MAT1A: variants seen among roughly 807,000 people sequenced by gnomAD.
MAT1A encodes methionine adenosyltransferase 1A, also known as S-adenosylmethionine synthase isoform type-1.
Under a neutral mutation model 44.0 loss-of-function variants are expected in MAT1A, and 19 were observed. The observed-to-expected ratio is 0.43, with a 90% CI of 0.30 to 0.63. The LOEUF (loss-of-function observed/expected upper bound fraction) is 0.63. Ranked by LOEUF, MAT1A falls within the 30% of genes least tolerant of loss-of-function variation. The probability of loss-of-function intolerance (pLI) is 0.12; values close to 1 mark genes in which losing one functional copy is unlikely to be tolerated. For synonymous variants in MAT1A, 205 were observed against 205.6 expected, an observed-to-expected ratio of 1.00 and a Z score of 0.03; for missense variants, 397 against 531.0, an observed-to-expected ratio of 0.75 and a Z score of 2.48.
rs114712355 is a variant in MAT1A at position 80,283,941 on chromosome 10, G to A, written c.267C>T (p.His89=). Residue 89 remains histidine, a synonymous_variant, in exon 3 of 9, where the codon CAC becomes CAT. Transcript: ENST00000372213. Reference sequence around the variant, plus strand: ...CCTTGGCTGAGTCATCGTAGCCGATGTGCTTGATGGTGTCCCTCACCACCC... The same window carrying A: ...CCTTGGCTGAGTCATCGTAGCCGATATGCTTGATGGTGTCCCTCACCACCC... The part of the protein sequence containing the change: ...YQRVVRDTIK[H]IGYDDSAKGF... 4 of 1,614,230 alleles carry A rather than the reference G, an allele frequency of 2.5e-6. No individual in the cohort carries two copies. The highest frequency in any genetic ancestry group is 1.3e-5 in the African/African-American group (1 of 75,062).
chr10:80,289,593 CG>C lies in MAT1A; in HGVS notation c.-171del. The C allele has an allele frequency of 1.5e-6, 1 of 671,620 alleles. No homozygotes were observed. Among genetic ancestry groups the C allele is most frequent in the Non-Finnish European group, 2.7e-6 (1 of 367,622 alleles). The allele number at this position is 671,620 out of a possible 1,614,324, so 41.6% of individuals were successfully genotyped here. ...CTGCCTGTGAGCACGTGAGAACAGG[CG>C]AGGACTGCTGAGAAGGGAGGGAGTG... On this transcript the variant is annotated 5_prime_UTR_variant, in exon 1 of 9. Transcript: ENST00000372213.
chr10:80,288,794 A>G (rs1841682196), intron 1 of MAT1A, among the ~76,000 whole-genome samples: 1 of 152,168 alleles, frequency 6.6e-6, no homozygotes, highest in South Asian at 2.1e-4. Context: ...AAAAAAAAAT[A>G]CATATAAAAA....
Position 80,276,397 on chromosome 10 carries a change from C to T in MAT1A, c.747G>A (p.Arg249=). Residue 249 remains arginine, a synonymous_variant, in exon 6 of 9, where the codon CGG becomes CGA. Coordinates refer to ENST00000372213, the MANE Select transcript of MAT1A (RefSeq NM_000429.3). ...GCACCTGGGGACCTCCGATGACAAA[C>T]CGCCCACTGGGCTGCAGGTGGTAGA... The part of the protein sequence containing the change: ...DTVYHLQPSG[R]FVIGGPQGDA... The T allele has an allele frequency of 6.2e-7, 1 of 1,614,160 alleles. No homozygotes were observed. Among genetic ancestry groups the T allele is most frequent in the Non-Finnish European group, 8.5e-7 (1 of 1,180,038 alleles).
intron 3 of MAT1A, among the ~76,000 whole-genome samples, chr10:80,282,203 T>C (rs1841576246): frequency 6.6e-6 from 1 of 152,084 alleles, no homozygotes; most frequent in South Asian, 2.1e-4. Flanking sequence ...GGCTCAAAAA[T>C]CAAGCAAGGG....
At chr10:80,280,030 A>T in intron 5 of MAT1A, 143 bp downstream of exon 5, 1 of 1,006,268 alleles carries the variant, frequency 9.9e-7, no homozygotes, top group South Asian at 1.5e-5. Flanking sequence ...TTTTCACATA[A>T]ATAGTTCTTT....
rs115296043 is a variant in MAT1A at position 80,278,701 on chromosome 10, T to C, written c.549+1472A>G. Among the ~76,000 whole-genome samples, 662 of 152,358 alleles carry C rather than the reference T, an allele frequency of 4.3e-3. 4 individuals are homozygous for C. The highest frequency in any genetic ancestry group is 0.015 in the African/African-American group (625 of 41,594). On this transcript the variant is annotated intron_variant, in intron 5 of 8. Transcript: ENST00000372213. ...CTTCCCTGCCCCAGTACAGCCAGTA[T>C]GCAACCTCTGCCCTGTGCATGGTCT...
chr10:80,289,147 G>A lies in MAT1A; in HGVS notation c.91+186C>T, dbSNP rs866333318. Among the ~76,000 whole-genome samples the A allele has an allele frequency of 1.6e-4, 24 of 152,368 alleles. No individual in the cohort carries two copies. The Middle Eastern group carries it at 0.01, about 65-fold the overall frequency. ...CACCACAAAGAAGTAGTCAATGTCT[G>A]TGGCAATGGGTATGCCCATTATCCT... On this transcript the variant is annotated intron_variant, in intron 1 of 8. Coordinates refer to ENST00000372213, the MANE Select transcript of MAT1A (RefSeq NM_000429.3).
rs764572095 is a variant in MAT1A, at chr10:80,289,464, T to C, written c.-41A>G. 5 of 1,499,022 alleles carry C rather than the reference T, an allele frequency of 3.3e-6. No individual in the cohort carries two copies. The Admixed American group carries it at 6.7e-5, about 20-fold the overall frequency. 92.9% of individuals were successfully genotyped at this position (1,499,022 alleles called of 1,614,324 possible). A position where few individuals can be genotyped will look rare whatever the true frequency, so the allele number is the denominator to read the frequency against. ...CACTCACGCTTCTTTCAGTGAACAA[T>C]TTTGAGGCTGTGACTTTGCCTGAGT... On this transcript the variant is annotated 5_prime_UTR_variant, in exon 1 of 9. Coordinates refer to ENST00000372213, the MANE Select transcript of MAT1A (RefSeq NM_000429.3).
intron 1 of MAT1A, among the ~76,000 whole-genome samples, chr10:80,285,827 A>C (rs886181057): frequency 6.7e-6 from 1 of 149,102 alleles, no homozygotes; most frequent in African/African-American, 2.5e-5. Flanking sequence ...AAAAAGAAAT[A>C]CCTTTTTTTT....
intron 1 of MAT1A, among the ~76,000 whole-genome samples, chr10:80,288,378 G>A (rs1190636631): frequency 6.6e-6 from 1 of 152,164 alleles, no homozygotes; most frequent in Non-Finnish European, 1.5e-5. Flanking sequence ...TCTGGAGGGT[G>A]GGGCCCAGCC....
At chr10:80,289,154 T>A (rs1164107758) in intron 1 of MAT1A, among the ~76,000 whole-genome samples, 179 bp downstream of exon 1, 1 of 152,252 alleles carries the variant, frequency 6.6e-6, no homozygotes, top group African/African-American at 2.4e-5. Context: ...TCTGTGGCAA[T>A]GGGTATGCCC....
chr10:80,284,112 T>G, intron 2 of MAT1A, 74 bp from the exon 3 acceptor site: 2 of 1,575,380 alleles, frequency 1.3e-6, no homozygotes, highest in Non-Finnish European at 1.7e-6. Flanking sequence ...CCCAGACCTC[T>G]CACAGTGCAG....
chr10:80,285,161 C>T (rs1841632006), intron 2 of MAT1A, among the ~76,000 whole-genome samples: 1 of 152,176 alleles, frequency 6.6e-6, no homozygotes, highest in Non-Finnish European at 1.5e-5. Flanking sequence ...GTTTCAAGCT[C>T]TTGCATCCCG....
chr10:80,275,513 G>T (rs143814758), intron 6 of MAT1A: 19 of 442,286 alleles, frequency 4.3e-5, no homozygotes, highest in African/African-American at 3.8e-4. Flanking sequence ...AGATCCAACT[G>T]CAGGCAGGAA....
At chr10:80,274,494 T>C in intron 8 of MAT1A, 26 bp downstream of exon 8, 7 of 1,613,872 alleles carry the variant, frequency 4.3e-6, no homozygotes, top group Non-Finnish European at 5.9e-6. Context: ...CAAGGTCCTG[T>C]GTAATAGCAG....
rs561118734 is a variant in MAT1A at position 80,286,795 on chromosome 10, T to C, written c.92-1206A>G. On this transcript the variant is annotated intron_variant, in intron 1 of 8. Coordinates refer to ENST00000372213, the MANE Select transcript of MAT1A (RefSeq NM_000429.3). The stretch of plus-strand genomic sequence containing the variant: ...AGTCTGCTCTTAATAGAGTAATATG[T>C]TTTTGTTAAGAATCCAGATCCAGAA... Among the ~76,000 whole-genome samples the C allele has an allele frequency of 2.1e-3, 322 of 152,340 alleles. 2 individuals carry two copies. Among genetic ancestry groups the C allele is most frequent in the Non-Finnish European group, 2.6e-3 (175 of 68,030 alleles).
At chr10:80,278,697 A>C (rs1482966700) in intron 5 of MAT1A, among the ~76,000 whole-genome samples, 1 of 152,246 alleles carries the variant, frequency 6.6e-6, no homozygotes, top group African/African-American at 2.4e-5. Context: ...CAGTACAGCC[A>C]GTATGCAACC....
chr10:80,274,011 C>A, intron 8 of MAT1A, 128 bp from the exon 9 acceptor site: 1 of 750,774 alleles, frequency 1.3e-6, no homozygotes, highest in Non-Finnish European at 2.4e-6. Flanking sequence ...TACGCCTCCC[C>A]ACCGCAGTTG....
intron 7 of MAT1A, 89 bp from the exon 8 acceptor site, chr10:80,274,742 C>G: frequency 6.4e-7 from 1 of 1,560,470 alleles, no homozygotes. Flanking sequence ...AAGGGACCAG[C>G]GGGGACCACA....
Sources: allele counts gnomAD v4.1 joint callset (sites outside exome capture counted in the v4.1 genomes callset), GRCh38; gene constraint gnomAD v4.1.1; transcripts MANE v1.5; gene names NCBI Gene and HGNC (gene_info 2026-07-23, HGNC 2026-07-21).